PPM1H: variants seen among roughly 807,000 people sequenced by gnomAD.
PPM1H encodes the protein protein phosphatase 1H.
In PPM1H, 27 loss-of-function variants were observed where a neutral mutation model predicts 54.9. The observed-to-expected ratio is 0.49, with a 90% CI of 0.36 to 0.68. PPM1H has a LOEUF of 0.68. Ranked by LOEUF, PPM1H falls within the 30% of genes least tolerant of loss-of-function variation. The pLI, the probability that PPM1H is intolerant of heterozygous loss-of-function variation, is 0.00. For synonymous variants in PPM1H, 305 were observed against 270.8 expected, an observed-to-expected ratio of 1.13 and a Z score of -1.24; for missense variants, 596 against 667.8, an observed-to-expected ratio of 0.89 and a Z score of 1.19.
intron 4 of PPM1H, among the ~76,000 whole-genome samples, chr12:62,744,197 G>A (rs1055960006): frequency 6.7e-5 from 10 of 149,428 alleles, no homozygotes; most frequent in South Asian, 2.1e-4. Flanking sequence ...AAGGCCAGGC[G>A]CTGTGGCTCA....
chr12:62,863,713 G>T (rs1869684404), intron 1 of PPM1H, among the ~76,000 whole-genome samples: 1 of 152,156 alleles, frequency 6.6e-6, no homozygotes, highest in East Asian at 1.9e-4. Flanking sequence ...AATGAAAAGG[G>T]AGAACTGAAT....
chr12:62,771,059 C>CACAT lies in PPM1H; in HGVS notation c.869+17166_869+17167insATGT, dbSNP rs2076576389. On this transcript the variant is annotated intron_variant, in intron 4 of 9. Coordinates refer to ENST00000228705, the MANE Select transcript of PPM1H (RefSeq NM_020700.2). ...AAAAAGAAAAAGACACACACACACA[C>CACAT]ACACACACACACACACACACACACA... Among the ~76,000 whole-genome samples, 10 of 146,144 alleles carry CACAT rather than the reference C, an allele frequency of 6.8e-5. No individual in the cohort carries two copies. In the South Asian group the frequency reaches 2.1e-3, roughly 31 times the overall value.
At chr12:62,769,548 T>C (rs2076565606) in intron 4 of PPM1H, among the ~76,000 whole-genome samples, 1 of 152,226 alleles carries the variant, frequency 6.6e-6, no homozygotes, top group African/African-American at 2.4e-5. Flanking sequence ...GATGGGTTTG[T>C]TGGTCTTCTG....
chr12:62,884,501 CAAAA>C (rs6144736), intron 1 of PPM1H, among the ~76,000 whole-genome samples: 3 of 89,996 alleles, frequency 3.3e-5, no homozygotes, highest in South Asian at 3.8e-4. Context: ...AACTCCATAT[CAAAA>C]AAAAAAAAAA....
At chr12:62,685,349 C>T (rs777200057) in intron 8 of PPM1H, among the ~76,000 whole-genome samples, 2 of 152,170 alleles carry the variant, frequency 1.3e-5, no homozygotes, top group Non-Finnish European at 2.9e-5. Flanking sequence ...GACAAATGCA[C>T]CCTCATCAGA....
chr12:62,906,862 GC>G (rs1370541600), intron 1 of PPM1H, among the ~76,000 whole-genome samples: 2 of 152,234 alleles, frequency 1.3e-5, no homozygotes, highest in Admixed American at 1.3e-4. Flanking sequence ...GACATGTATA[GC>G]GTAACAACAC....
At chr12:62,865,681 A>G (rs1869750126) in intron 1 of PPM1H, among the ~76,000 whole-genome samples, 1 of 152,038 alleles carries the variant, frequency 6.6e-6, no homozygotes, top group Non-Finnish European at 1.5e-5. Context: ...TATTTCTAGT[A>G]GAGATGGGGT....
chr12:62,734,876 T>A (rs1197559056), intron 5 of PPM1H, among the ~76,000 whole-genome samples: 1 of 151,760 alleles, frequency 6.6e-6, no homozygotes, highest in Non-Finnish European at 1.5e-5. Flanking sequence ...GACCCCCCCA[T>A]CTCTACAAAA....
intron 3 of PPM1H, among the ~76,000 whole-genome samples, chr12:62,791,798 C>T (rs142856205): frequency 0.016 from 2,491 of 152,124 alleles, 68 homozygotes; most frequent in African/African-American, 0.057. Flanking sequence ...GTGGTGTGCA[C>T]CTATAGTCCA....
At position 62,704,587 on chromosome 12, in the gene PPM1H, T is replaced by C. The variant is rs545906949; in HGVS notation, c.1074-10588A>G. On this transcript the variant is annotated intron_variant, in intron 6 of 9. Coordinates refer to ENST00000228705, the MANE Select transcript of PPM1H (RefSeq NM_020700.2). ...AGGCCTTAAGCTGTGAACAACCTGA[T>C]AGACTTCTGCTAATATAGTGCAAGT... Among the ~76,000 whole-genome samples, 41 of 152,302 alleles carry C rather than the reference T, an allele frequency of 2.7e-4. 1 individual carries two copies. In the South Asian group the frequency reaches 8.3e-3, roughly 31 times the overall value.
At chr12:62,793,798 A>G (rs991649048) in intron 3 of PPM1H, among the ~76,000 whole-genome samples, 15 of 151,732 alleles carry the variant, frequency 9.9e-5, no homozygotes, top group Admixed American at 5.3e-4. Context: ...AGACTAATTC[A>G]GCAGGAAAGA....
At position 62,665,198 on chromosome 12, in the gene PPM1H, T is replaced by C. The variant is rs1350682339; in HGVS notation, c.1397+1980A>G. On this transcript the variant is annotated intron_variant, in intron 9 of 9. Coordinates refer to ENST00000228705, the MANE Select transcript of PPM1H (RefSeq NM_020700.2). ...GAGTAGCTGGAATTACACACATGCA[T>C]CACCATGCCTGGCTAATTTTTGTAT... is the stretch of plus-strand genomic sequence containing the variant. 8.5e-5 allele frequency among the ~76,000 whole-genome samples: 13 copies of C among 152,176 alleles called. 1 individual carries two copies. The East Asian group carries it at 2.5e-3, about 29-fold the overall frequency.
intron 9 of PPM1H, among the ~76,000 whole-genome samples, chr12:62,649,281 C>T (rs1395934009): frequency 2.0e-5 from 3 of 150,826 alleles, no homozygotes; most frequent in South Asian, 2.1e-4. Context: ...TACTTGTCAG[C>T]GTCACCCTCT....
chr12:62,678,148 T>C (rs1324678944), intron 8 of PPM1H, among the ~76,000 whole-genome samples: 4 of 152,220 alleles, frequency 2.6e-5, no homozygotes, highest in East Asian at 1.9e-4. Context: ...GGTCTCACTA[T>C]GTTGCCTATG....
At position 62,934,948 on chromosome 12, in the gene PPM1H, G is replaced by A. The variant is rs915294605; in HGVS notation, c.-212C>T. On this transcript the variant is annotated 5_prime_UTR_variant, in exon 1 of 10. Coordinates refer to ENST00000228705, the MANE Select transcript of PPM1H (RefSeq NM_020700.2). This position sits in a 1 kb window ranked among gnomAD's most constrained non-coding sequence, Gnocchi z 4.2. ...GCCGCGGTGGCCGCCGCCTCCCCCCGCTACACTTCCGCAACGGAGCTGCAT... is the reference window on the plus strand; with the variant it reads ...GCCGCGGTGGCCGCCGCCTCCCCCCACTACACTTCCGCAACGGAGCTGCAT... 6.4e-6 allele frequency: 2 copies of A among 314,656 alleles called. No individual in the cohort carries two copies. The highest frequency in any genetic ancestry group is 1.1e-5 in the Non-Finnish European group (2 of 182,910). The allele number at this position is 314,656 out of a possible 1,614,324, so 19.5% of individuals were successfully genotyped here.
intron 2 of PPM1H, among the ~76,000 whole-genome samples, chr12:62,817,653 A>C (rs2076879335): frequency 6.6e-6 from 1 of 152,160 alleles, no homozygotes; most frequent in South Asian, 2.1e-4. Context: ...AAATATTCCA[A>C]AGGGCTGCTG....
At chr12:62,925,596 A>T (rs1187053664) in intron 1 of PPM1H, among the ~76,000 whole-genome samples, 1 of 152,198 alleles carries the variant, frequency 6.6e-6, no homozygotes, top group East Asian at 1.9e-4. Context: ...ACAAATGAAC[A>T]AACAACAATG....
intron 2 of PPM1H, among the ~76,000 whole-genome samples, chr12:62,824,381 A>G (rs1183869740): frequency 2.6e-5 from 4 of 152,224 alleles, no homozygotes; most frequent in African/African-American, 9.7e-5. Context: ...GACTTTCTTC[A>G]CAGAATTGGA....
chr12:62,768,407 GC>G (rs1666110129), intron 4 of PPM1H, among the ~76,000 whole-genome samples: 1 of 152,152 alleles, frequency 6.6e-6, no homozygotes, highest in Admixed American at 6.5e-5. Context: ...TGTAATCCCA[GC>G]TTTTTGGGAG....
Sources: gnomAD v4.1 joint callset for allele counts (sites outside exome capture counted in the v4.1 genomes callset) on GRCh38, gnomAD v4.1.1 for gene constraint, Gnocchi (gnomAD v3.1) non-coding constraint, MANE v1.5 for transcripts, NCBI Gene and HGNC (gene_info 2026-07-23, HGNC 2026-07-21) for gene names.